WWC2: variants seen among roughly 807,000 people sequenced by gnomAD.
The protein encoded by WWC2 is protein WWC2.
Under a neutral mutation model 138.5 loss-of-function variants are expected in WWC2, and 101 were observed. The observed-to-expected ratio is 0.73, with a 90% CI of 0.62 to 0.86. The LOEUF is 0.86. Among genes scored for constraint, WWC2 ranks in the 40% least tolerant of loss-of-function variants. The pLI, the probability that WWC2 is intolerant of heterozygous loss-of-function variation, is 0.00. For synonymous variants in WWC2, 558 were observed against 538.4 expected (o/e 1.04, Z -0.50); for missense variants, 1,420 against 1,419.4 (o/e 1.00, Z -0.01).
chr4:183,173,658 G>A (rs1734360128), intron 1 of WWC2, among the ~76,000 whole-genome samples: 1 of 151,782 alleles, frequency 6.6e-6, no homozygotes. Flanking sequence ...CTGGATGATC[G>A]ATGCTTGTGT....
At chr4:183,281,164 T>A (rs1225599309) in intron 17 of WWC2, 1 of 458,296 alleles carries the variant, frequency 2.2e-6, no homozygotes, top group African/African-American at 2.0e-5. Flanking sequence ...CTTTTTTTTT[T>A]TAGTCTAAAC....
intron 21 of WWC2, among the ~76,000 whole-genome samples, chr4:183,302,352 C>A (rs145826050): frequency 6.1e-4 from 93 of 152,270 alleles, no homozygotes; most frequent in African/African-American, 2.1e-3. Flanking sequence ...TTTTTGCCAG[C>A]ACCAGTCTTA....
In WWC2 at chr4:183,319,810, C is replaced by T. The variant is rs369595334; in HGVS notation, c.*4081C>T. ...ACCGTCTTGTGGGCAACCCAAGAGA[C>T]GGGAACCAGGGCTGTGACTCCCGAG... On this transcript the variant is annotated 3_prime_UTR_variant, in exon 23 of 23. Coordinates refer to ENST00000403733, the MANE Select transcript of WWC2 (RefSeq NM_024949.6). 1.5e-5 allele frequency: 24 copies of T among 1,613,990 alleles called. No individual in the cohort carries two copies. The highest frequency in any genetic ancestry group is 4.0e-5 in the African/African-American group (3 of 75,006).
intron 1 of WWC2, among the ~76,000 whole-genome samples, chr4:183,141,943 A>G (rs916457277): frequency 3.9e-5 from 6 of 152,248 alleles, no homozygotes; most frequent in African/African-American, 7.2e-5. Flanking sequence ...CATATAGACT[A>G]TAGCAGGGGA....
intron 1 of WWC2, among the ~76,000 whole-genome samples, chr4:183,124,273 A>G (rs1488501513): frequency 1.3e-5 from 2 of 152,106 alleles, no homozygotes; most frequent in Non-Finnish European, 2.9e-5. Flanking sequence ...TTTATTGGAC[A>G]GGATAATCCT....
intron 1 of WWC2, among the ~76,000 whole-genome samples, chr4:183,174,029 A>G (rs900216887): frequency 3.9e-5 from 6 of 152,160 alleles, no homozygotes; most frequent in African/African-American, 1.2e-4. Flanking sequence ...TTTTCCCAGG[A>G]AAAACCCTCC....
chr4:183,269,104 CAGA>C lies in WWC2; in HGVS notation c.2345_2347del (p.Lys782del). 1.2e-6 allele frequency: 2 copies of C among 1,613,934 alleles called. No individual in the cohort carries two copies. The highest frequency in any genetic ancestry group is 1.3e-5 in the African/African-American group (1 of 75,030). ...CGCCATTTCCCAAACAGCCTTACAA[CAGA>C]AGACACTGAGGGTAGACCTTTGCTC... On this transcript the variant is annotated inframe_deletion, in exon 15 of 23. Coordinates refer to ENST00000403733, the MANE Select transcript of WWC2 (RefSeq NM_024949.6).
At chr4:183,271,540 C>T (rs189718028) in intron 16 of WWC2, among the ~76,000 whole-genome samples, 3 of 152,288 alleles carry the variant, frequency 2.0e-5, no homozygotes, top group East Asian at 1.9e-4. Flanking sequence ...ATGGAAAAAA[C>T]CTTTTAATTT....
At chr4:183,153,237 G>T (rs1039285492) in intron 1 of WWC2, among the ~76,000 whole-genome samples, 1 of 152,268 alleles carries the variant, frequency 6.6e-6, no homozygotes, top group Middle Eastern at 3.4e-3. Flanking sequence ...CTTTTAGGCT[G>T]TTGATGTTAT....
chr4:183,276,062 A>C (rs1271802846), intron 16 of WWC2, among the ~76,000 whole-genome samples: 1 of 152,088 alleles, frequency 6.6e-6, no homozygotes, highest in African/African-American at 2.4e-5. Flanking sequence ...TATCATTATA[A>C]AATGTTCCTT....
chr4:183,236,956 T>G (rs1736446037), intron 4 of WWC2, among the ~76,000 whole-genome samples: 1 of 152,156 alleles, frequency 6.6e-6, no homozygotes, highest in Admixed American at 6.5e-5. Flanking sequence ...AGCAGGGTTG[T>G]TCAATCTTTT....
intron 1 of WWC2, among the ~76,000 whole-genome samples, chr4:183,172,853 C>T (rs945447438): frequency 2.6e-5 from 4 of 151,998 alleles, no homozygotes; most frequent in African/African-American, 9.7e-5. Flanking sequence ...TATTAGACCT[C>T]CTAGATTGGT....
chr4:183,115,219 G>T lies in WWC2; in HGVS notation c.131+15597G>T, dbSNP rs532348787. On this transcript the variant is annotated intron_variant, in intron 1 of 22. Coordinates refer to ENST00000403733, the MANE Select transcript of WWC2 (RefSeq NM_024949.6). ...GATCATGATTTCATTCTTTTTTGTG[G>T]TGCATAGTGTTCCATGGTGTATATG... Among the ~76,000 whole-genome samples, 11 of 152,156 alleles carry T rather than the reference G, an allele frequency of 7.2e-5. No homozygotes were observed. The South Asian group carries it at 1.7e-3, about 23-fold the overall frequency.
rs573910720 is a variant in WWC2 at position 183,257,897 on chromosome 4, A to T, written c.1197-1742A>T. Among the ~76,000 whole-genome samples the T allele has an allele frequency of 5.3e-5, 8 of 152,288 alleles. No individual in the cohort carries two copies. The East Asian group carries it at 9.7e-4, about 18-fold the overall frequency. On this transcript the variant is annotated intron_variant, in intron 9 of 22. Coordinates refer to ENST00000403733, the MANE Select transcript of WWC2 (RefSeq NM_024949.6). ...TCTGCATTCTGGGATTGTAGGAGCT[A>T]AGTGGGAAACGTGAACAAGAACACA...
chr4:183,106,770 C>T (rs1277640026), intron 1 of WWC2, among the ~76,000 whole-genome samples: 2 of 152,128 alleles, frequency 1.3e-5, no homozygotes, highest in African/African-American at 4.8e-5. Context: ...GCATCATTTT[C>T]ATGACTTAAT....
chr4:183,253,729 C>T (rs1197133200), intron 8 of WWC2, 28 bp from the exon 9 acceptor site: 6 of 1,601,308 alleles, frequency 3.7e-6, no homozygotes, highest in Non-Finnish European at 4.2e-6. Flanking sequence ...TAAGTATGTG[C>T]ATACCTCTTC....
At chr4:183,191,735 GTT>G (rs5864822) in intron 1 of WWC2, among the ~76,000 whole-genome samples, 2 of 151,576 alleles carry the variant, frequency 1.3e-5, no homozygotes, top group Non-Finnish European at 2.9e-5. Flanking sequence ...AATCATTTTA[GTT>G]TTTTTTTAGA....
chr4:183,131,911 T>A (rs181803345), intron 1 of WWC2, among the ~76,000 whole-genome samples: 1 of 152,308 alleles, frequency 6.6e-6, no homozygotes, highest in African/African-American at 2.4e-5. Context: ...TCATCACAGC[T>A]CTGTGTATTG....
At chr4:183,143,669 A>G (rs1194405072) in intron 1 of WWC2, among the ~76,000 whole-genome samples, 1 of 151,948 alleles carries the variant, frequency 6.6e-6, no homozygotes, top group Non-Finnish European at 1.5e-5. Flanking sequence ...TTAGCTGGGC[A>G]TGGTGGTGTG....
Sources: allele counts gnomAD v4.1 joint callset (sites outside exome capture counted in the v4.1 genomes callset), GRCh38; gene constraint gnomAD v4.1.1; transcripts MANE v1.5; gene names NCBI Gene and HGNC (gene_info 2026-07-23, HGNC 2026-07-21).